EMC8: variants seen among roughly 807,000 people sequenced by gnomAD.
EMC8 encodes the protein ER membrane protein complex subunit 8, also known as COX4 neighbor.
In EMC8, 11 loss-of-function variants were observed where a neutral mutation model predicts 24.3. The observed-to-expected ratio is 0.45, with a 90% CI of 0.28 to 0.75. The LOEUF (loss-of-function observed/expected upper bound fraction) is 0.75. EMC8 is among the 30% of genes least tolerant of loss of function. EMC8 has a pLI of 0.12. For synonymous variants in EMC8, 145 were observed against 117.7 expected (o/e 1.23, Z -1.50); for missense variants, 277 against 282.7 (o/e 0.98, Z 0.14).
chr16:85,789,353 T>C (rs1158773410), intron 1 of EMC8, among the ~76,000 whole-genome samples: 4 of 152,232 alleles, frequency 2.6e-5, no homozygotes, highest in African/African-American at 7.2e-5. Flanking sequence ...CCTTCTCTTA[T>C]ACTATAAAGA....
At position 85,780,463 on chromosome 16, in the gene EMC8, GT is replaced by G; in HGVS notation, c.388del (p.Thr130ProfsTer8). 1 of 1,613,574 alleles carries G rather than the reference GT, an allele frequency of 6.2e-7. No homozygotes were observed. ...SDTALIMVDNTKFTMDCVAPT... is the reference protein window; with the variant it reads ...SDTALIMVDNXKFTMDCVAPT... ...CGCTACGCAGTCCATCGTAAACTTG[GT>G]GTTGTCTACCTGAGCACAAGGCAAA... On this transcript the variant is annotated frameshift_variant, in exon 4 of 5. Transcript: ENST00000253457. LOFTEE classifies it high-confidence loss of function.
At chr16:85,796,714 G>C (rs1053505795) in intron 1 of EMC8, among the ~76,000 whole-genome samples, 1 of 152,108 alleles carries the variant, frequency 6.6e-6, no homozygotes, top group African/African-American at 2.4e-5. Context: ...CTTTGCACAT[G>C]CTGGTCCCTT....
chr16:85,792,080 C>G (rs539850617), intron 1 of EMC8, among the ~76,000 whole-genome samples: 1 of 152,356 alleles, frequency 6.6e-6, no homozygotes, highest in Admixed American at 6.5e-5. Context: ...TACTCCATCT[C>G]TTTCCTGGGC....
Position 85,789,127 on chromosome 16 carries a change from C to T in EMC8, c.232-77G>A. On this transcript the variant is annotated intron_variant, in intron 1 of 4. Transcript: ENST00000253457. ...CAAGTCGTAAAAACCACAGATCTCA[C>T]TGCCACATGCTGGGACAAGACATGA... is the stretch of plus-strand genomic sequence containing the variant. 5 of 893,276 alleles carry T rather than the reference C, an allele frequency of 5.6e-6. No homozygotes were observed. In the East Asian group the frequency reaches 9.6e-5, roughly 17 times the overall value. The allele number at this position is 893,276 out of a possible 1,614,324, so 55.3% of individuals were successfully genotyped here.
rs71389145 is a variant in EMC8, at chr16:85,798,314, G to T, written c.231+751C>A. ...GTTTTGTATTTTTAGTAGAGAAGGG[G>T]TTTCACCATGTTGGTCAGGCTGGTC... On this transcript the variant is annotated intron_variant, in intron 1 of 4. Coordinates refer to ENST00000253457, the MANE Select transcript of EMC8 (RefSeq NM_006067.5). 4.0e-3 allele frequency among the ~76,000 whole-genome samples: 607 copies of T among 151,818 alleles called. 3 individuals carry two copies. Among genetic ancestry groups the T allele is most frequent in the Admixed American group, 7.7e-3 (118 of 15,250 alleles).
At chr16:85,790,147 T>C (rs1455042413) in intron 1 of EMC8, among the ~76,000 whole-genome samples, 1 of 147,166 alleles carries the variant, frequency 6.8e-6, no homozygotes, top group Non-Finnish European at 1.5e-5. Flanking sequence ...AATTGGTACC[T>C]TGATTTTTTT....
Position 85,781,471 on chromosome 16 carries a change from C to T in EMC8, c.309-191G>A, listed in dbSNP as rs574485716. 3 of 547,182 alleles carry T rather than the reference C, an allele frequency of 5.5e-6. No individual in the cohort carries two copies. The South Asian group carries it at 6.0e-5, about 11-fold the overall frequency. The allele number at this position is 547,182 out of a possible 1,614,324, so 33.9% of individuals were successfully genotyped here. A position where few individuals can be genotyped will look rare whatever the true frequency, so the allele number is the denominator to read the frequency against. On this transcript the variant is annotated intron_variant, in intron 2 of 4. Coordinates refer to ENST00000253457, the MANE Select transcript of EMC8 (RefSeq NM_006067.5). ...GTAGAGATAGGGTCTTGCTCTGCTG[C>T]CCTAGCTGGAGTGTAGTGACGCAAT...
intron 1 of EMC8, 78 bp downstream of exon 1, chr16:85,798,987 C>T: frequency 9.2e-7 from 1 of 1,082,386 alleles, no homozygotes; most frequent in South Asian, 1.5e-5. Flanking sequence ...GGAGGGCGAC[C>T]GCTGGGCCAG....
intron 1 of EMC8, among the ~76,000 whole-genome samples, chr16:85,790,945 GCCT>G (rs1904980192): frequency 6.6e-6 from 1 of 152,038 alleles, no homozygotes; most frequent in African/African-American, 2.4e-5. Context: ...TCCCACCTCA[GCCT>G]CCTGAGTAGC....
chr16:85,788,139 G>A (rs772621599), intron 2 of EMC8, among the ~76,000 whole-genome samples: 1 of 152,204 alleles, frequency 6.6e-6, no homozygotes, highest in South Asian at 2.1e-4. Flanking sequence ...CTTCTGGCTC[G>A]GTTCAGCCAA....
Position 85,779,812 on chromosome 16 carries a change from T to A in EMC8, c.529A>T (p.Ser177Cys). Reference protein sequence around the residue: ...AQRISASLLDSRSYETLVDFD... With the variant: ...AQRISASLLDCRSYETLVDFD... ...TCCACGAGCGTCTCGTAGGACCGGC[T>A]GTCCAGGAGCGAGGCTGAGATCCTC... The change falls in exon 5 of 5, where the codon AGC becomes TGC. Residue 177 changes from serine to cysteine, a missense_variant. Ser to Cys is a moderately radical substitution (Grantham distance 112, BLOSUM62 -1). Coordinates refer to ENST00000253457, the MANE Select transcript of EMC8 (RefSeq NM_006067.5). The A allele has an allele frequency of 6.2e-7, 1 of 1,614,186 alleles. No individual in the cohort carries two copies. Among genetic ancestry groups the A allele is most frequent in the Non-Finnish European group, 8.5e-7 (1 of 1,180,018 alleles).
At chr16:85,780,047 T>C (rs905752482) in intron 4 of EMC8, 180 bp from the exon 5 acceptor site, 5 of 614,910 alleles carry the variant, frequency 8.1e-6, no homozygotes, top group South Asian at 8.0e-5. Context: ...ACATGGTTAA[T>C]ACATGGAAGG....
chr16:85,780,012 T>C (rs1211162790), intron 4 of EMC8, 145 bp from the exon 5 acceptor site: 2 of 673,812 alleles, frequency 3.0e-6, no homozygotes, highest in Non-Finnish European at 5.2e-6. Flanking sequence ...TTCAAACGCA[T>C]GAAGAGGTAT....
chr16:85,780,258 A>G, intron 4 of EMC8, 121 bp downstream of exon 4: 1 of 727,502 alleles, frequency 1.4e-6, no homozygotes, highest in Non-Finnish European at 2.4e-6. Context: ...GCCGGGGAAT[A>G]TGCTTGGTAT....
intron 1 of EMC8, among the ~76,000 whole-genome samples, chr16:85,790,572 A>G (rs1904956405): frequency 6.6e-6 from 1 of 152,146 alleles, no homozygotes; most frequent in Admixed American, 6.5e-5. Context: ...ATCTCTATAC[A>G]CTATCAAAGG....
chr16:85,799,160 C>A lies in EMC8; in HGVS notation c.136G>T (p.Gly46Cys). The change falls in exon 1 of 5, where the codon GGC (glycine) becomes TGC (cysteine). Residue 46 changes from glycine (G) to cysteine (C), a missense_variant. Gly to Cys is a radical substitution (Grantham distance 159). Transcript: ENST00000253457. This position sits in a 1 kb window ranked among gnomAD's most constrained non-coding sequence, Gnocchi z 4.2. ...AAGAGGGTGTGGTGGGCGCCGGGGCCGCCCAGGGGGAGGTGCTCCTTACGC... is the reference window on the plus strand; with the variant it reads ...AAGAGGGTGTGGTGGGCGCCGGGGCAGCCCAGGGGGAGGTGCTCCTTACGC... ...KPRKEHLPLG[G>C]PGAHHTLFVD... is the part of the protein sequence containing the mutation. The A allele has an allele frequency of 1.2e-6, 2 of 1,608,856 alleles. No homozygotes were observed. Among genetic ancestry groups the A allele is most frequent in the Non-Finnish European group, 1.7e-6 (2 of 1,177,898 alleles).
At chr16:85,790,041 A>G (rs1904933445) in intron 1 of EMC8, among the ~76,000 whole-genome samples, 1 of 152,212 alleles carries the variant, frequency 6.6e-6, no homozygotes, top group African/African-American at 2.4e-5. Flanking sequence ...GTCTAAGGCC[A>G]TTATTCAAAA....
At chr16:85,795,421 C>A (rs1195098149) in intron 1 of EMC8, among the ~76,000 whole-genome samples, 1 of 152,228 alleles carries the variant, frequency 6.6e-6, no homozygotes, top group Non-Finnish European at 1.5e-5. Flanking sequence ...CCTGGCTCCT[C>A]ACGGCCCTGG....
intron 3 of EMC8, 124 bp from the exon 4 acceptor site, chr16:85,780,597 G>C (rs1904444899): frequency 7.3e-6 from 5 of 685,564 alleles, no homozygotes; most frequent in Admixed American, 2.1e-5. Flanking sequence ...TCTTCCGACA[G>C]AGCCTGTATG....
Sources: gnomAD v4.1 joint callset for allele counts (sites outside exome capture counted in the v4.1 genomes callset) on GRCh38, gnomAD v4.1.1 for gene constraint, Gnocchi (gnomAD v3.1) non-coding constraint, MANE v1.5 for transcripts, NCBI Gene and HGNC (gene_info 2026-07-23, HGNC 2026-07-21) for gene names.